ASTN2: variants seen among roughly 807,000 people sequenced by gnomAD.
The protein encoded by ASTN2 is astrotactin-2.
A neutral mutation model predicts 139.8 loss-of-function variants in ASTN2; 54 were observed. The observed-to-expected ratio is 0.39, with a 90% CI of 0.31 to 0.48. The LOEUF (loss-of-function observed/expected upper bound fraction) is 0.48, where lower values mean the gene tolerates loss of function less well. ASTN2 is among the 20% of genes least tolerant of loss of function. The pLI is 0.95. For missense variants in ASTN2, 1,565 were observed against 1,725.1 expected, an observed-to-expected ratio of 0.91 and a Z score of 1.64; for synonymous variants, 756 against 719.5, an observed-to-expected ratio of 1.05 and a Z score of -0.81.
chr9:117,327,115 C>T (rs1828541740), intron 1 of ASTN2, among the ~76,000 whole-genome samples: 3 of 152,112 alleles, frequency 2.0e-5, no homozygotes, highest in Non-Finnish European at 4.4e-5. Context: ...ATGCAGTTCA[C>T]AATAGGGTTC....
At chr9:117,359,715 C>T (rs1829642016) in intron 1 of ASTN2, among the ~76,000 whole-genome samples, 1 of 152,062 alleles carries the variant, frequency 6.6e-6, no homozygotes, top group South Asian at 2.1e-4. Context: ...GGAAAGAACA[C>T]AGGAATTGAG....
At chr9:117,350,126 T>G (rs2130878741) in intron 1 of ASTN2, among the ~76,000 whole-genome samples, 1 of 152,334 alleles carries the variant, frequency 6.6e-6, no homozygotes, top group African/African-American at 2.4e-5. Context: ...AAAGTCTCTG[T>G]ATAATCTGTG....
At chr9:116,791,000 AAAG>A (rs1564269018) in intron 13 of ASTN2, among the ~76,000 whole-genome samples, 27 of 122,628 alleles carry the variant, frequency 2.2e-4, no homozygotes, top group African/African-American at 7.5e-4. Context: ...AGAAAGAAAG[AAAG>A]AAAGAAAGAA....
At chr9:116,740,508 T>G (rs1829070427) in intron 13 of ASTN2, among the ~76,000 whole-genome samples, 1 of 152,052 alleles carries the variant, frequency 6.6e-6, no homozygotes, top group Admixed American at 6.6e-5. Flanking sequence ...TAAAGTTATT[T>G]TATTTTATTT....
At chr9:116,779,412 A>C in intron 13 of ASTN2, among the ~76,000 whole-genome samples, 1 of 152,092 alleles carries the variant, frequency 6.6e-6, no homozygotes, top group South Asian at 2.1e-4. Flanking sequence ...CAGACACTGA[A>C]CCTACCTGTG....
chr9:116,632,178 G>A (rs1588114880), intron 17 of ASTN2, among the ~76,000 whole-genome samples: 24 of 17,574 alleles, frequency 1.4e-3, no homozygotes, highest in African/African-American at 6.1e-3. Flanking sequence ...GAGAGAGAGA[G>A]AGAGAGGGAG....
At chr9:116,810,664 A>C (rs886122963) in intron 12 of ASTN2, among the ~76,000 whole-genome samples, 33 of 152,226 alleles carry the variant, frequency 2.2e-4, no homozygotes, top group African/African-American at 7.2e-4. Flanking sequence ...AAATTTTTCT[A>C]AATGGAGAGC....
At chr9:116,924,971 G>T (rs1263444788) in intron 10 of ASTN2, among the ~76,000 whole-genome samples, 1 of 152,086 alleles carries the variant, frequency 6.6e-6, no homozygotes, top group South Asian at 2.1e-4. Context: ...ACTCTGACTA[G>T]TATACGACTT....
At chr9:116,722,436 T>A (rs1050832798) in intron 16 of ASTN2, among the ~76,000 whole-genome samples, 3 of 152,228 alleles carry the variant, frequency 2.0e-5, no homozygotes, top group Non-Finnish European at 4.4e-5. Context: ...GGCTTTCCAG[T>A]AATTTCCAGT....
chr9:117,111,395 T>C (rs1451681534), intron 4 of ASTN2, among the ~76,000 whole-genome samples: 1 of 151,524 alleles, frequency 6.6e-6, no homozygotes, highest in Non-Finnish European at 1.5e-5. Flanking sequence ...TCTACAAATA[T>C]ATGCACCAAA....
chr9:117,399,931 A>C (rs141530241), intron 1 of ASTN2, among the ~76,000 whole-genome samples: 2 of 152,384 alleles, frequency 1.3e-5, no homozygotes, highest in East Asian at 3.8e-4. Context: ...TGAATACAGA[A>C]GTGGACAGTG....
chr9:116,930,919 C>T (rs924139343), intron 10 of ASTN2, among the ~76,000 whole-genome samples: 2 of 151,858 alleles, frequency 1.3e-5, no homozygotes, highest in Admixed American at 6.6e-5. Context: ...ATTATCTTCT[C>T]CCTCTCAATT....
chr9:116,701,268 G>C (rs140261676), intron 16 of ASTN2: 161 of 167,152 alleles, frequency 9.6e-4, no homozygotes, highest in African/African-American at 3.7e-3. Flanking sequence ...CCAAAGGATA[G>C]GTAAAGAGGT....
At chr9:116,775,638 A>AAGGG (rs1830066385) in intron 13 of ASTN2, among the ~76,000 whole-genome samples, 2 of 120,270 alleles carry the variant, frequency 1.7e-5, no homozygotes, top group African/African-American at 3.2e-5. Flanking sequence ...GGAAGGAAGG[A>AAGGG]AAAAGGACAG....
rs551009269 is a variant in ASTN2, at chr9:117,395,442, T to C, written c.442+19055A>G. On this transcript the variant is annotated intron_variant, in intron 1 of 22. Coordinates refer to ENST00000313400, the MANE Select transcript of ASTN2 (RefSeq NM_001365068.1). ...CATCCCCAAAATAGGTTTTGAATTA[T>C]ACTCTGCACCTCATAAAACACAGGA... Among the ~76,000 whole-genome samples the C allele has an allele frequency of 2.8e-3, 432 of 152,294 alleles. 1 individual carries two copies. The highest frequency in any genetic ancestry group is 0.01 in the African/African-American group (417 of 41,570).
chr9:116,881,251 T>C (rs747947251), intron 10 of ASTN2, among the ~76,000 whole-genome samples: 4 of 152,170 alleles, frequency 2.6e-5, no homozygotes, highest in Non-Finnish European at 5.9e-5. Flanking sequence ...TTTATAGACA[T>C]TTTCTAGTTC....
chr9:116,485,639 A>G (rs2119075494), intron 20 of ASTN2, among the ~76,000 whole-genome samples: 1 of 152,334 alleles, frequency 6.6e-6, no homozygotes, highest in East Asian at 1.9e-4. Context: ...GGCCTAAGGT[A>G]CATCTTAAAA....
intron 12 of ASTN2, among the ~76,000 whole-genome samples, chr9:116,815,598 G>A (rs1357494002): frequency 4.6e-5 from 7 of 151,790 alleles, no homozygotes. Flanking sequence ...GAGGTCAGGA[G>A]ATCGAGACCA....
At chr9:116,784,363 A>G (rs1037574821) in intron 13 of ASTN2, among the ~76,000 whole-genome samples, 2 of 152,220 alleles carry the variant, frequency 1.3e-5, no homozygotes, top group African/African-American at 4.8e-5. Flanking sequence ...TAAAGAAAAG[A>G]CAGCACTTGA....
Sources: allele counts gnomAD v4.1 joint callset (sites outside exome capture counted in the v4.1 genomes callset), GRCh38; gene constraint gnomAD v4.1.1; transcripts MANE v1.5; gene names NCBI Gene and HGNC (gene_info 2026-07-23, HGNC 2026-07-21).